The following RTL1 variants were observed in gnomAD, a reference collection of about 807,000 sequenced individuals.
RTL1 encodes the protein retrotransposon Gag like 1, also known as retrotransposon-like protein 1.
For missense variants in RTL1, 1,681 were observed against 1,767.5 expected (o/e 0.95, Z 0.88); for synonymous variants, 727 against 748.4 (o/e 0.97, Z 0.47).
chr14:100,901,866 A>G (rs937854132), intron 2 of RTL1, among the ~76,000 whole-genome samples: 1 of 152,070 alleles, frequency 6.6e-6, no homozygotes, highest in African/African-American at 2.4e-5. Context: ...CCCGCCAACC[A>G]TCTCTGTGCC....
At position 100,880,627 on chromosome 14, in the gene RTL1, C is replaced by T. The variant is rs2038593182; in HGVS notation, c.*85G>A. On this transcript the variant is annotated 3_prime_UTR_variant, in exon 4 of 4. Transcript: ENST00000649591. Reference sequence around the variant, plus strand: ...GTGGCAGGAAGGGAAGCGAAGCAGGCTGAGGCGCGGGGAGGCCAGGGGACG... The same window carrying T: ...GTGGCAGGAAGGGAAGCGAAGCAGGTTGAGGCGCGGGGAGGCCAGGGGACG... 6.6e-7 allele frequency: 1 copy of T among 1,517,050 alleles called. No individual in the cohort carries two copies. Among genetic ancestry groups the T allele is most frequent in the East Asian group, 2.5e-5 (1 of 40,558 alleles). 94.0% of individuals were successfully genotyped at this position (1,517,050 alleles called of 1,614,324 possible).
At chr14:100,892,690 C>G (rs544412991) in intron 3 of RTL1, among the ~76,000 whole-genome samples, 20 of 152,302 alleles carry the variant, frequency 1.3e-4, no homozygotes, top group Admixed American at 3.3e-4. Flanking sequence ...ACAGACCCAG[C>G]ATACAGGACC....
intron 3 of RTL1, among the ~76,000 whole-genome samples, chr14:100,890,370 A>G (rs1202910493): frequency 6.7e-6 from 1 of 148,740 alleles, no homozygotes; most frequent in African/African-American, 2.5e-5. Flanking sequence ...TCGCCTGTAC[A>G]GTAAAGGAAA....
At chr14:100,894,235 G>A (rs1306283316) in intron 2 of RTL1, among the ~76,000 whole-genome samples, 1 of 148,646 alleles carries the variant, frequency 6.7e-6, no homozygotes, top group Non-Finnish European at 1.5e-5. Context: ...ACTTGAATCT[G>A]AGAGATGGAG....
In RTL1 at chr14:100,882,025, T is replaced by C. The variant is rs367548876; in HGVS notation, c.2764A>G (p.Met922Val). The part of the protein sequence containing the change: ...PIEVEYSQAE[M>V]KILPIRAAFM... ...GCAGCCCGTATTGGAAGAATCTTCATCTCCGCTTGAGAGTACTCAACCTCG... is the reference window on the plus strand; with the variant it reads ...GCAGCCCGTATTGGAAGAATCTTCACCTCCGCTTGAGAGTACTCAACCTCG... Residue 922 changes from methionine to valine, a missense_variant, in exon 4 of 4, where the codon ATG becomes GTG. Met to Val is a conservative substitution (Grantham distance 21). Coordinates refer to ENST00000649591, the MANE Select transcript of RTL1 (RefSeq NM_001134888.3). The C allele has an allele frequency of 6.2e-7, 1 of 1,613,584 alleles. No individual in the cohort carries two copies. The highest frequency in any genetic ancestry group is 2.2e-5 in the East Asian group (1 of 44,854).
At chr14:100,888,805 A>C (rs562117971) in intron 3 of RTL1, among the ~76,000 whole-genome samples, 1 of 152,164 alleles carries the variant, frequency 6.6e-6, no homozygotes, top group African/African-American at 2.4e-5. Context: ...CATATTCGCA[A>C]TATTGATCAT....
At position 100,879,924 on chromosome 14, in the gene RTL1, G is replaced by A. The variant is rs895574839; in HGVS notation, c.*788C>T. On this transcript the variant is annotated 3_prime_UTR_variant, in exon 4 of 4. Coordinates refer to ENST00000649591, the MANE Select transcript of RTL1 (RefSeq NM_001134888.3). ...GCCTTCTGGGACTCCATCCCTGTAT[G>A]AGGGGCCCCTGCACCCCTGCACTGT... 6.6e-6 allele frequency among the ~76,000 whole-genome samples: 1 copy of A among 151,938 alleles called. No individual in the cohort carries two copies.
chr14:100,901,803 C>T (rs2038946069), intron 2 of RTL1, among the ~76,000 whole-genome samples: 1 of 152,144 alleles, frequency 6.6e-6, no homozygotes, highest in African/African-American at 2.4e-5. Context: ...GCCCTGGGCA[C>T]TCAACCCCAT....
Position 100,895,773 on chromosome 14 carries a change from AT to A in RTL1, c.-148-2269del, listed in dbSNP as rs1595343461. ...TCTGGGCACTGCATTTTTATTTACC[AT>A]AAAAATATTTCATATTTGCTGGGTG... On this transcript the variant is annotated intron_variant, in intron 2 of 3. Transcript: ENST00000649591. Among the ~76,000 whole-genome samples the A allele has an allele frequency of 5.3e-5, 8 of 152,310 alleles. No individual in the cohort carries two copies. In the East Asian group the frequency reaches 1.5e-3, roughly 29 times the overall value.
In RTL1 at chr14:100,881,966, G is replaced by T. The variant is rs1261819806; in HGVS notation, c.2823C>A (p.Thr941=). 1 of 1,613,736 alleles carries T rather than the reference G, an allele frequency of 6.2e-7. No homozygotes were observed. The highest frequency in any genetic ancestry group is 1.3e-5 in the African/African-American group (1 of 75,036). ...TGAGAAGGATCATGATGGGCTCCTC[G>T]GTGTTCTCCAGGTAGCGGCACCACA... ...FMVWCRYLEN[T]EEPIMILLNT... The change falls in exon 4 of 4, where the codon ACC becomes ACA. Residue 941 remains threonine, a synonymous_variant. Coordinates refer to ENST00000649591, the MANE Select transcript of RTL1 (RefSeq NM_001134888.3). The surrounding 1 kb of genome is among the most constrained non-coding windows in gnomAD (Gnocchi z 6.6).
Position 100,884,458 on chromosome 14 carries a change from C to T in RTL1, c.331G>A (p.Gly111Arg), listed in dbSNP as rs1566754705. 6.2e-7 allele frequency: 1 copy of T among 1,614,020 alleles called. No individual in the cohort carries two copies. The highest frequency in any genetic ancestry group is 1.7e-5 in the Admixed American group (1 of 59,990). The change falls in exon 4 of 4, where the codon GGG becomes AGG. Residue 111 changes from glycine (G) to arginine (R), a missense_variant. Gly to Arg is a moderately radical substitution (Grantham distance 125, BLOSUM62 -2). Coordinates refer to ENST00000649591, the MANE Select transcript of RTL1 (RefSeq NM_001134888.3). ...TCAGATGCTCCACTGAGTGGATCCC[C>T]CCTTGCCTGGTGTGAACCGTTGCAT... ...ESCNGSHQAR[G>R]DPLSGASDRM...
Position 100,893,457 on chromosome 14 carries a change from G to A in RTL1, c.-100C>T, listed in dbSNP as rs560879530. On this transcript the variant is annotated 5_prime_UTR_variant, in exon 3 of 4. In the 5' UTR this introduces an upstream ATG that the reference lacks. Transcript: ENST00000649591. The surrounding 1 kb of genome is among the most constrained non-coding windows in gnomAD (Gnocchi z 4.2). ...CCCACATCTTACCTTGGCTGCAAGC[G>A]TTCAAGTGGATCTCCTCCCGTCCTG... is the stretch of plus-strand genomic sequence containing the variant. Among the ~76,000 whole-genome samples the A allele has an allele frequency of 5.3e-5, 8 of 152,288 alleles. No individual in the cohort carries two copies. Among genetic ancestry groups the A allele is most frequent in the Non-Finnish European group, 7.4e-5 (5 of 68,022 alleles).
intron 2 of RTL1, among the ~76,000 whole-genome samples, chr14:100,896,388 G>T (rs967666461): frequency 3.3e-5 from 5 of 152,298 alleles, no homozygotes; most frequent in East Asian, 1.9e-4. Context: ...TGCGGATGGA[G>T]ACTGAGCAGG....
Position 100,884,617 on chromosome 14 carries a change from G to A in RTL1, c.172C>T (p.Pro58Ser). ...ATTTCCTGGAGTGGGCCACTGGGGG[G>A]CTCCTTCTTTTCCTGGGCTGGGCCG... The part of the protein sequence containing the change: ...ASGPAQEKKE[P>S]PSGPLQEMEE... Residue 58 changes from proline to serine, a missense_variant, in exon 4 of 4, where the codon CCC (proline) becomes TCC (serine). By Grantham distance (74) the Pro-to-Ser change is moderately conservative. Transcript: ENST00000649591. 1.9e-6 allele frequency: 3 copies of A among 1,613,714 alleles called. No homozygotes were observed. The highest frequency in any genetic ancestry group is 2.5e-6 in the Non-Finnish European group (3 of 1,179,904).
rs1288327155 is a variant in RTL1 at position 100,881,193 on chromosome 14, A to G, written c.3596T>C (p.Phe1199Ser). Residue 1199 changes from phenylalanine (F) to serine (S), a missense_variant, in exon 4 of 4, where the codon TTC (phenylalanine) becomes TCC (serine). Phe to Ser is a radical substitution (Grantham distance 155). Coordinates refer to ENST00000649591, the MANE Select transcript of RTL1 (RefSeq NM_001134888.3). The surrounding 1 kb of genome is among the most constrained non-coding windows in gnomAD (Gnocchi z 6.6). ...CTGGGGGGTGACTCTGACACCGAAG[A>G]ACTCACACAGCGTCAGCCAGAAGCC... is the stretch of plus-strand genomic sequence containing the variant. ...TPGFWLTLCE[F>S]FGVRVTPQEG... The G allele has an allele frequency of 6.5e-7, 1 of 1,542,378 alleles. No homozygotes were observed. Among genetic ancestry groups the G allele is most frequent in the South Asian group, 1.2e-5 (1 of 82,410 alleles).
intron 3 of RTL1, among the ~76,000 whole-genome samples, chr14:100,886,292 A>C (rs2038697422): frequency 1.3e-5 from 2 of 152,168 alleles, no homozygotes; most frequent in African/African-American, 4.8e-5. Flanking sequence ...CAGGATACAA[A>C]ATTCAGATCT....
chr14:100,883,181 G>A lies in RTL1; in HGVS notation c.1608C>T (p.Arg536=). The part of the protein sequence containing the change: ...HSPYCLKNCF[R]PPPPCIALER... Reference sequence around the variant, plus strand: ...CTAGGGCAATGCATGGCGGGGGCGGGCGGAAGCAGTTCTTCAGGCAGTAGG... The same window carrying A: ...CTAGGGCAATGCATGGCGGGGGCGGACGGAAGCAGTTCTTCAGGCAGTAGG... The change falls in exon 4 of 4, where the codon CGC becomes CGT. Residue 536 remains arginine, a synonymous_variant. Coordinates refer to ENST00000649591, the MANE Select transcript of RTL1 (RefSeq NM_001134888.3). The surrounding 1 kb of genome is among the most constrained non-coding windows in gnomAD (Gnocchi z 5.9). 9 of 1,574,160 alleles carry A rather than the reference G, an allele frequency of 5.7e-6. No individual in the cohort carries two copies. The highest frequency in any genetic ancestry group is 6.9e-6 in the Non-Finnish European group (8 of 1,156,986).
chr14:100,885,175 G>A (rs1322306818), intron 3 of RTL1, among the ~76,000 whole-genome samples: 6 of 152,214 alleles, frequency 3.9e-5, no homozygotes, highest in African/African-American at 9.6e-5. Context: ...AGCAGCCACC[G>A]TGGCAGGCGG....
chr14:100,880,836 A>G lies in RTL1; in HGVS notation c.3953T>C (p.Leu1318Pro), dbSNP rs755281747. 2 of 1,550,548 alleles carry G rather than the reference A, an allele frequency of 1.3e-6. No individual in the cohort carries two copies. The highest frequency in any genetic ancestry group is 2.4e-5 in the South Asian group (2 of 84,044). The change falls in exon 4 of 4, where the codon CTG (leucine) becomes CCG (proline). Residue 1318 changes from leucine to proline, a missense_variant. Transcript: ENST00000649591. Reference protein sequence around the residue: ...LLSREQAARALSQFLTLIYRR... With the variant: ...LLSREQAARAPSQFLTLIYRR... ...GTAGATCAGGGTCAGGAACTGGCTCAGGGCCCTGGCTGCCTGCTCCCGGCT... is the reference window on the plus strand; with the variant it reads ...GTAGATCAGGGTCAGGAACTGGCTCGGGGCCCTGGCTGCCTGCTCCCGGCT...
Sources: allele counts gnomAD v4.1 joint callset (sites outside exome capture counted in the v4.1 genomes callset), GRCh38; gene constraint gnomAD v4.1.1; non-coding constraint Gnocchi (gnomAD v3.1); transcripts MANE v1.5; gene names NCBI Gene and HGNC (gene_info 2026-07-23, HGNC 2026-07-21).